The following DCC variants were observed in gnomAD, a reference collection of about 807,000 sequenced individuals.
The protein encoded by DCC is DCC netrin 1 receptor, also known as netrin receptor DCC.
A neutral mutation model predicts 172.5 loss-of-function variants in DCC; 58 were observed. The ratio of observed to expected loss-of-function variants is 0.34; its 90% CI spans 0.27 to 0.42. The LOEUF is 0.42. Ranked by LOEUF, DCC falls within the 10% of genes least tolerant of loss-of-function variation. DCC has a pLI of 1.00. For missense variants in DCC, 1,740 were observed against 1,791.0 expected (o/e 0.97, Z 0.51); for synonymous variants, 709 against 644.5 (o/e 1.10, Z -1.52).
intron 13 of DCC, among the ~76,000 whole-genome samples, chr18:53,307,893 G>GTGTGTA: frequency 1.0e-5 from 1 of 97,558 alleles, no homozygotes; most frequent in Non-Finnish European, 1.8e-5. Context: ...CAATGTGTGT[G>GTGTGTA]TATGTATATA....
intron 2 of DCC, among the ~76,000 whole-genome samples, chr18:52,800,489 T>C (rs2037964019): frequency 6.6e-6 from 1 of 152,182 alleles, no homozygotes; most frequent in African/African-American, 2.4e-5. Context: ...AGGGTATCAT[T>C]CCTGGGGTAT....
chr18:53,465,172 T>C (rs1249283857), intron 24 of DCC, among the ~76,000 whole-genome samples: 1 of 152,020 alleles, frequency 6.6e-6, no homozygotes, highest in East Asian at 1.9e-4. Context: ...TCACTCTTTC[T>C]GTTGTTCATT....
chr18:52,962,083 G>C (rs1325513274), intron 5 of DCC, among the ~76,000 whole-genome samples: 1 of 151,006 alleles, frequency 6.6e-6, no homozygotes, highest in Non-Finnish European at 1.5e-5. Context: ...AAAAGCAATG[G>C]CAACAAAAGC....
intron 1 of DCC, among the ~76,000 whole-genome samples, chr18:52,582,022 T>A (rs1361323513): frequency 2.6e-5 from 4 of 151,824 alleles, no homozygotes; most frequent in Non-Finnish European, 5.9e-5. Context: ...TTTTTATGAT[T>A]CCTTTTTTAG....
intron 2 of DCC, among the ~76,000 whole-genome samples, chr18:52,856,720 T>C (rs16955733): frequency 0.021 from 3,231 of 152,236 alleles, 96 homozygotes; most frequent in African/African-American, 0.07. Context: ...ATGGAATCTT[T>C]ATATTCTTGA....
At chr18:53,293,739 C>T (rs1363092575) in intron 12 of DCC, among the ~76,000 whole-genome samples, 2 of 152,146 alleles carry the variant, frequency 1.3e-5, no homozygotes, top group East Asian at 1.9e-4. Context: ...TTGAATTAAC[C>T]TCATCACTAG....
chr18:52,825,525 T>C (rs1171839029), intron 2 of DCC, among the ~76,000 whole-genome samples: 2 of 152,200 alleles, frequency 1.3e-5, no homozygotes, highest in Admixed American at 1.3e-4. Flanking sequence ...TATATAATTA[T>C]AGTATATAAT....
chr18:53,126,372 T>G (rs889043776), intron 7 of DCC, among the ~76,000 whole-genome samples: 3 of 152,244 alleles, frequency 2.0e-5, no homozygotes, highest in African/African-American at 4.8e-5. Context: ...TGGAGTGAGA[T>G]AGTCCACAGA....
intron 1 of DCC, among the ~76,000 whole-genome samples, chr18:52,681,459 T>C (rs939291197): frequency 4.6e-5 from 7 of 152,106 alleles, no homozygotes; most frequent in Non-Finnish European, 5.9e-5. Context: ...TGAAATTTCT[T>C]ATTCTAAATA....
At chr18:52,943,440 C>G (rs1261242146) in intron 5 of DCC, among the ~76,000 whole-genome samples, 1 of 152,100 alleles carries the variant, frequency 6.6e-6, no homozygotes, top group Non-Finnish European at 1.5e-5. Flanking sequence ...GGTGACATGG[C>G]AAGAGAATGA....
intron 1 of DCC, among the ~76,000 whole-genome samples, chr18:52,435,547 C>T (rs898566626): frequency 6.6e-6 from 1 of 152,204 alleles, no homozygotes; most frequent in African/African-American, 2.4e-5. Flanking sequence ...GCTCACCCAG[C>T]TCTGACTGGT....
At chr18:52,351,515 G>T (rs1984121033) in intron 1 of DCC, among the ~76,000 whole-genome samples, 1 of 152,064 alleles carries the variant, frequency 6.6e-6, no homozygotes, top group Non-Finnish European at 1.5e-5. Context: ...ACATATGTAT[G>T]CAACCGAGAG....
At chr18:52,905,640 A>G (rs867141923) in intron 2 of DCC, among the ~76,000 whole-genome samples, 2 of 152,224 alleles carry the variant, frequency 1.3e-5, no homozygotes, top group South Asian at 2.1e-4. Context: ...GGTAACAGGA[A>G]TTCTGTCCAT....
chr18:53,157,225 T>G lies in DCC; in HGVS notation c.1262-131T>G, dbSNP rs541471646. 2.3e-3 allele frequency: 2,666 copies of G among 1,136,936 alleles called. 4 individuals are homozygous for G. Among genetic ancestry groups the G allele is most frequent in the Middle Eastern group, 5.3e-3 (19 of 3,564 alleles). 70.4% of individuals were successfully genotyped at this position (1,136,936 alleles called of 1,614,324 possible). On this transcript the variant is annotated intron_variant, in intron 7 of 28. Coordinates refer to ENST00000442544, the MANE Select transcript of DCC (RefSeq NM_005215.4). ...CCATTTACTGTGTGCATTCCCTTGGTTTTCTTCCTTGCTTTAGAATCAAGG... is the reference window on the plus strand; with the variant it reads ...CCATTTACTGTGTGCATTCCCTTGGGTTTCTTCCTTGCTTTAGAATCAAGG...
chr18:52,730,222 T>G (rs1206054472), intron 1 of DCC, among the ~76,000 whole-genome samples: 1 of 152,118 alleles, frequency 6.6e-6, no homozygotes, highest in Non-Finnish European at 1.5e-5. Flanking sequence ...CATTTTTGGT[T>G]GTCACAACTG....
At chr18:53,449,043 A>G (rs1161080481) in intron 22 of DCC, among the ~76,000 whole-genome samples, 3 of 152,214 alleles carry the variant, frequency 2.0e-5, no homozygotes, top group Admixed American at 1.3e-4. Flanking sequence ...ACTGCACACA[A>G]TAAGTATTAC....
At chr18:52,370,782 G>A (rs546250261) in intron 1 of DCC, among the ~76,000 whole-genome samples, 1 of 152,300 alleles carries the variant, frequency 6.6e-6, no homozygotes, top group African/African-American at 2.4e-5. Context: ...AATAATAATT[G>A]AAGAAAAATC....
At chr18:52,690,316 A>G (rs1052302593) in intron 1 of DCC, among the ~76,000 whole-genome samples, 5 of 152,160 alleles carry the variant, frequency 3.3e-5, no homozygotes, top group Non-Finnish European at 5.9e-5. Context: ...ACACATATGT[A>G]CAAACACATA....
At chr18:53,270,802 G>A (rs2144705675) in intron 12 of DCC, among the ~76,000 whole-genome samples, 1 of 152,108 alleles carries the variant, frequency 6.6e-6, no homozygotes, top group Non-Finnish European at 1.5e-5. Context: ...TGATTTTAAG[G>A]CTTTATTCAT....
Sources: allele counts gnomAD v4.1 joint callset (sites outside exome capture counted in the v4.1 genomes callset), GRCh38; gene constraint gnomAD v4.1.1; transcripts MANE v1.5; gene names NCBI Gene and HGNC (gene_info 2026-07-23, HGNC 2026-07-21).